Variants in RABL2A observed in about 807,000 individuals in gnomAD.
The protein encoded by RABL2A is RAB, member of RAS oncogene family like 2A.
RABL2A carries 17 observed loss-of-function variants against 30.7 expected under a neutral mutation model. The ratio of observed to expected loss-of-function variants is 0.55; its 90% CI spans 0.38 to 0.83. The LOEUF is 0.83. RABL2A is among the 40% of genes least tolerant of loss of function. RABL2A has a pLI of 0.00. For synonymous variants in RABL2A, 64 were observed against 101.8 expected (o/e 0.63, Z 2.24); for missense variants, 155 against 272.6 (o/e 0.57, Z 3.04).
chr2:113,637,364 C>T (rs967512288), intron 5 of RABL2A: 137 of 1,013,646 alleles, frequency 1.4e-4, no homozygotes, highest in African/African-American at 1.5e-4. Flanking sequence ...TTAGCTCTTC[C>T]GTGTGTGCTC....
At chr2:113,638,251 C>T (rs4849254) in intron 5 of RABL2A, 329,256 of 984,904 alleles carry the variant, frequency 0.33, 56,541 homozygotes, top group Middle Eastern at 0.42. Context: ...ACATAGACTT[C>T]CTGCCACCTC....
rs2104904639 is a variant in RABL2A, at chr2:113,643,254, T to C, written c.*1125T>C. ...ACTGCAAGAGGAGAGCTAGCAGATA[T>C]GCCTGTTCACCCCTCTCTGGTACTT... On this transcript the variant is annotated 3_prime_UTR_variant, in exon 9 of 9. Transcript: ENST00000683472. The C allele has an allele frequency of 2.6e-6, 1 of 380,798 alleles. No individual in the cohort carries two copies. Among genetic ancestry groups the C allele is most frequent in the Non-Finnish European group, 5.1e-6 (1 of 196,602 alleles). 23.6% of individuals were successfully genotyped at this position (380,798 alleles called of 1,614,324 possible).
chr2:113,639,854 T>TA (rs1274429437), intron 5 of RABL2A, among the ~76,000 whole-genome samples: 1,471 of 108,542 alleles, frequency 0.014, 7 homozygotes, highest in Non-Finnish European at 0.02. Flanking sequence ...AGACTCCGTC[T>TA]AAAAAAAAAA....
At chr2:113,627,757 T>G (rs909937877) in intron 1 of RABL2A, 10 of 247,070 alleles carry the variant, frequency 4.0e-5, no homozygotes, top group East Asian at 3.3e-4. Context: ...CACTCCAGCC[T>G]GGGCGACAGA....
At chr2:113,629,435 CT>C (rs1211437423) in intron 2 of RABL2A, among the ~76,000 whole-genome samples, 1 of 152,032 alleles carries the variant, frequency 6.6e-6, no homozygotes, top group Non-Finnish European at 1.5e-5. Flanking sequence ...TCTCTGGGGG[CT>C]TTGCTGGTTT....
intron 5 of RABL2A, among the ~76,000 whole-genome samples, chr2:113,639,092 C>G (rs1039177293): frequency 5.9e-5 from 9 of 151,800 alleles, no homozygotes; most frequent in Non-Finnish European, 1.3e-4. Context: ...AGACCAGCCT[C>G]GTTAATATAA....
Position 113,638,035 on chromosome 2 carries a change from G to T in RABL2A, c.298-2859G>T, listed in dbSNP as rs1040466800. The T allele has an allele frequency of 4.1e-6, 4 of 985,266 alleles. No individual in the cohort carries two copies. In the African/African-American group the frequency reaches 5.2e-5, roughly 13 times the overall value. 61.0% of individuals were successfully genotyped at this position (985,266 alleles called of 1,614,324 possible). A position where few individuals can be genotyped will look rare whatever the true frequency, so the allele number is the denominator to read the frequency against. On this transcript the variant is annotated intron_variant, in intron 5 of 8. Transcript: ENST00000683472. Reference sequence around the variant, plus strand: ...CCCTCCACCTTGAAACCTTGAGATGGGGATGCTCCTCATTCTAGCCAGTTC... The same window carrying T: ...CCCTCCACCTTGAAACCTTGAGATGTGGATGCTCCTCATTCTAGCCAGTTC...
intron 5 of RABL2A, 186 bp from the exon 6 acceptor site, chr2:113,640,708 C>G (rs1684802084): frequency 1.5e-6 from 1 of 680,192 alleles, no homozygotes; most frequent in African/African-American, 1.8e-5. Context: ...ATTTTCGCAT[C>G]TGGAGGCTCC....
chr2:113,635,389 C>T (rs1291680325), intron 5 of RABL2A: 1 of 532,890 alleles, frequency 1.9e-6, no homozygotes, highest in African/African-American at 1.9e-5. Flanking sequence ...GTGTAGCATC[C>T]AAGAGGCAAA....
At chr2:113,632,441 G>T (rs186508126) in intron 2 of RABL2A, among the ~76,000 whole-genome samples, 1 of 152,228 alleles carries the variant, frequency 6.6e-6, no homozygotes, top group East Asian at 1.9e-4. Flanking sequence ...GATTACAGGC[G>T]TGTGTCGCCA....
Position 113,642,451 on chromosome 2 carries a change from G to A in RABL2A, c.*322G>A, listed in dbSNP as rs1225261920. 1 of 388,852 alleles carries A rather than the reference G, an allele frequency of 2.6e-6. No homozygotes were observed. The highest frequency in any genetic ancestry group is 4.7e-6 in the Non-Finnish European group (1 of 214,164). The allele number at this position is 388,852 out of a possible 1,614,324, so 24.1% of individuals were successfully genotyped here. A position where few individuals can be genotyped will look rare whatever the true frequency, so the allele number is the denominator to read the frequency against. ...CATGATTATGTGTCACTTTAATACA[G>A]GAAATTTAGGTGTTTTTTGGTGTTT... On this transcript the variant is annotated 3_prime_UTR_variant, in exon 9 of 9. Coordinates refer to ENST00000683472, the MANE Select transcript of RABL2A (RefSeq NM_001306158.2).
intron 2 of RABL2A, among the ~76,000 whole-genome samples, chr2:113,629,684 G>A (rs552882339): frequency 1.1e-4 from 16 of 152,158 alleles, no homozygotes; most frequent in Middle Eastern, 3.4e-3. Context: ...ACAGGCGCCC[G>A]CCACCACACC....
At chr2:113,636,376 G>A (rs1230174526) in intron 5 of RABL2A, among the ~76,000 whole-genome samples, 1 of 139,476 alleles carries the variant, frequency 7.2e-6, no homozygotes, top group African/African-American at 2.5e-5. Context: ...ACTGCCTGGG[G>A]CATCTCCCCA....
chr2:113,634,412 G>T, intron 4 of RABL2A, 180 bp downstream of exon 4: 3 of 729,236 alleles, frequency 4.1e-6, no homozygotes. Flanking sequence ...AAGGGGGCAC[G>T]CAGGGGCCAA....
chr2:113,633,557 T>A, intron 3 of RABL2A: 1 of 200,066 alleles, frequency 5.0e-6, no homozygotes, highest in South Asian at 8.9e-5. Flanking sequence ...TCTGAGTATG[T>A]GTTACTCCAC....
intron 5 of RABL2A, among the ~76,000 whole-genome samples, chr2:113,639,100 T>A (rs1440322821): frequency 5.3e-5 from 8 of 151,680 alleles, no homozygotes; most frequent in Admixed American, 3.3e-4. Context: ...CTCGTTAATA[T>A]AATGAGAGCT....
In RABL2A at chr2:113,632,967, C is replaced by T. The variant is rs755966387; in HGVS notation, c.137+23C>T. ...CTTGTATCCTTCAAGGTTTGAAGTA[C>T]TCCTTGTTCCTGTGGGTCTTCCCAC... On this transcript the variant is annotated intron_variant, in intron 3 of 8. Transcript: ENST00000683472. The T allele has an allele frequency of 1.1e-5, 17 of 1,614,096 alleles. No homozygotes were observed. The South Asian group carries it at 1.3e-4, about 13-fold the overall frequency.
At chr2:113,630,596 G>T (rs1049695228) in intron 2 of RABL2A, among the ~76,000 whole-genome samples, 1 of 151,894 alleles carries the variant, frequency 6.6e-6, no homozygotes, top group South Asian at 2.1e-4. Flanking sequence ...AATTTACCAC[G>T]GTAGCAGCCC....
intron 4 of RABL2A, chr2:113,634,706 C>T (rs1333518319): frequency 4.6e-6 from 2 of 434,776 alleles, no homozygotes; most frequent in Non-Finnish European, 8.6e-6. Flanking sequence ...CTGTGGTCAT[C>T]GCACGTGAGA....
Sources: gnomAD v4.1 joint callset for allele counts (sites outside exome capture counted in the v4.1 genomes callset) on GRCh38, gnomAD v4.1.1 for gene constraint, MANE v1.5 for transcripts, NCBI Gene and HGNC (gene_info 2026-07-23, HGNC 2026-07-21) for gene names.